PHC2: variants seen among roughly 807,000 people sequenced by gnomAD.
PHC2 encodes the protein polyhomeotic homolog 2, also known as polyhomeotic-like protein 2.
A neutral mutation model predicts 87.4 loss-of-function variants in PHC2; 29 were observed. The ratio of observed to expected loss-of-function variants is 0.33; its 90% CI spans 0.25 to 0.45. PHC2 has a LOEUF of 0.45. PHC2 is among the 20% of genes least tolerant of loss of function. The pLI, the probability that PHC2 is intolerant of heterozygous loss-of-function variation, is 1.00. For missense variants in PHC2, 857 were observed against 1,136.7 expected, an observed-to-expected ratio of 0.75 and a Z score of 3.54; for synonymous variants, 438 against 461.7, an observed-to-expected ratio of 0.95 and a Z score of 0.66.
At chr1:33,374,404 G>A (rs547609928) in intron 2 of PHC2, among the ~76,000 whole-genome samples, 17 of 152,320 alleles carry the variant, frequency 1.1e-4, no homozygotes, top group Non-Finnish European at 1.6e-4. Context: ...AGGTGCTGGG[G>A]CTAGGGACAA....
chr1:33,359,804 G>A (rs1195975338), intron 7 of PHC2, among the ~76,000 whole-genome samples: 2 of 152,140 alleles, frequency 1.3e-5, no homozygotes, highest in Non-Finnish European at 2.9e-5. Flanking sequence ...AACAGCATTC[G>A]GGAAGACTCA....
At position 33,354,189 on chromosome 1, in the gene PHC2, T is replaced by C. The variant is rs115223914; in HGVS notation, c.1558+212A>G. Among the ~76,000 whole-genome samples the C allele has an allele frequency of 6.9e-3, 1,055 of 152,324 alleles. 8 individuals carry two copies. The highest frequency in any genetic ancestry group is 0.024 in the African/African-American group (1,001 of 41,572). ...GTCTGGCTCTAGAACTTTCACCTCTTCTGTCTCCACCCTCTTGCTCTAATA... is the reference window on the plus strand; with the variant it reads ...GTCTGGCTCTAGAACTTTCACCTCTCCTGTCTCCACCCTCTTGCTCTAATA... On this transcript the variant is annotated intron_variant, in intron 9 of 14. Coordinates refer to ENST00000683057, the MANE Select transcript of PHC2 (RefSeq NM_001385109.1).
chr1:33,406,045 G>A (rs1649749969), intron 1 of PHC2, among the ~76,000 whole-genome samples: 1 of 152,134 alleles, frequency 6.6e-6, no homozygotes, highest in Non-Finnish European at 1.5e-5. Context: ...TATTCTTACT[G>A]GGGCTTTTTG....
intron 9 of PHC2, chr1:33,346,711 G>A (rs987112987): frequency 1.0e-6 from 1 of 985,238 alleles, no homozygotes; most frequent in Admixed American, 6.1e-5. Flanking sequence ...TGAGGAGGTG[G>A]GGGAACTTTA....
intron 4 of PHC2, 47 bp from the exon 5 acceptor site, chr1:33,370,632 G>T (rs751181776): frequency 1.2e-5 from 19 of 1,547,808 alleles, no homozygotes; most frequent in Admixed American, 7.2e-5. Context: ...TTCTGTTGGT[G>T]AGCTGTGTCC....
At chr1:33,337,649 GA>G (rs1008071552) in intron 9 of PHC2, among the ~76,000 whole-genome samples, 9 of 152,290 alleles carry the variant, frequency 5.9e-5, no homozygotes, top group Admixed American at 3.3e-4. Flanking sequence ...AAATGCTTGA[GA>G]ATGCTCCTGG....
At chr1:33,405,040 G>A (rs1649696708) in intron 1 of PHC2, among the ~76,000 whole-genome samples, 2 of 152,184 alleles carry the variant, frequency 1.3e-5, no homozygotes, top group African/African-American at 2.4e-5. Context: ...TTTACCCAGA[G>A]TAAGAAATTG....
At chr1:33,380,837 T>G (rs1242203142) in intron 1 of PHC2, among the ~76,000 whole-genome samples, 1 of 152,138 alleles carries the variant, frequency 6.6e-6, no homozygotes, top group Non-Finnish European at 1.5e-5. Context: ...AAACCCTCCA[T>G]GATCTGACCC....
chr1:33,345,343 T>C (rs75376606), intron 9 of PHC2: 3,833 of 159,822 alleles, frequency 0.024, 165 homozygotes, highest in African/African-American at 0.084. Flanking sequence ...TCTGGATTCA[T>C]CTCAGAGCAC....
At chr1:33,371,194 A>G (rs1361690108) in intron 3 of PHC2, 100 bp from the exon 4 acceptor site, 21 of 1,021,034 alleles carry the variant, frequency 2.1e-5, no homozygotes, top group Non-Finnish European at 2.9e-5. Context: ...GGTGTTAAGG[A>G]CAACAGCCTC....
chr1:33,328,231 C>T (rs1646412969), intron 14 of PHC2, among the ~76,000 whole-genome samples: 1 of 152,174 alleles, frequency 6.6e-6, no homozygotes, highest in African/African-American at 2.4e-5. Flanking sequence ...ACTTGTGCTC[C>T]ACCACGCAGG....
intron 9 of PHC2, among the ~76,000 whole-genome samples, chr1:33,339,364 T>C (rs1047613946): frequency 1.3e-5 from 2 of 152,122 alleles, no homozygotes; most frequent in Non-Finnish European, 2.9e-5. Flanking sequence ...TCTGAAGCTA[T>C]GATGTTTTGA....
chr1:33,344,841 T>C (rs1462485642), intron 9 of PHC2, among the ~76,000 whole-genome samples: 1 of 152,056 alleles, frequency 6.6e-6, no homozygotes, highest in Non-Finnish European at 1.5e-5. Context: ...ACTCCTGCGC[T>C]CAAGTGATCC....
chr1:33,354,713 C>T, intron 8 of PHC2, 125 bp downstream of exon 8: 1 of 1,334,418 alleles, frequency 7.5e-7, no homozygotes, highest in Non-Finnish European at 1.0e-6. Context: ...TCTCTTCCTT[C>T]TTGGAATCCC....
chr1:33,354,250 CT>C (rs1482461312), intron 9 of PHC2, 150 bp downstream of exon 9: 1 of 678,052 alleles, frequency 1.5e-6, no homozygotes, highest in Non-Finnish European at 2.5e-6. Context: ...CCTGGTTCAT[CT>C]TCTCACATCC....
At chr1:33,344,882 C>T (rs1004233184) in intron 9 of PHC2, among the ~76,000 whole-genome samples, 3 of 152,030 alleles carry the variant, frequency 2.0e-5, no homozygotes, top group East Asian at 1.9e-4. Context: ...CATGAGCCAC[C>T]GTGCCTGGTC....
At position 33,371,550 on chromosome 1, in the gene PHC2, C is replaced by T. The variant is rs776496037; in HGVS notation, c.334-456G>A. On this transcript the variant is annotated intron_variant, in intron 3 of 14. Transcript: ENST00000683057. ...ACTGCCATCACACCCAGCCACCGCC[C>T]CCCACAGAGAATTTGCAGACATGAG... Among the ~76,000 whole-genome samples the T allele has an allele frequency of 4.6e-5, 7 of 152,328 alleles. No homozygotes were observed. The South Asian group carries it at 8.3e-4, about 18-fold the overall frequency.
chr1:33,330,235 G>C, intron 12 of PHC2, 23 bp from the exon 13 acceptor site: 1 of 1,612,898 alleles, frequency 6.2e-7, no homozygotes, highest in African/African-American at 1.3e-5. Context: ...GGGAACAGGG[G>C]ATGTCACAGT....
At chr1:33,379,413 T>C (rs112004622) in intron 1 of PHC2, among the ~76,000 whole-genome samples, 12,998 of 20,502 alleles carry the variant, frequency 0.63, 4,377 homozygotes, top group African/African-American at 0.82. Flanking sequence ...CTGTCCCCCT[T>C]GCCCTCCCAC....
Sources: gnomAD v4.1 joint callset for allele counts (sites outside exome capture counted in the v4.1 genomes callset) on GRCh38, gnomAD v4.1.1 for gene constraint, MANE v1.5 for transcripts, NCBI Gene and HGNC (gene_info 2026-07-23, HGNC 2026-07-21) for gene names.